Variants in TRAPPC6B observed in about 807,000 individuals in gnomAD.
TRAPPC6B encodes trafficking protein particle complex subunit 6B.
In TRAPPC6B, 27 loss-of-function variants were observed where a neutral mutation model predicts 24.7. The observed-to-expected ratio is 1.09, with a 90% CI of 0.81 to 1.51. The LOEUF (loss-of-function observed/expected upper bound fraction) is 1.51. Ranked by LOEUF, TRAPPC6B falls within the 40% of genes most tolerant of loss-of-function variation. The pLI is 0.00. For missense variants in TRAPPC6B, 212 were observed against 190.8 expected (o/e 1.11, Z -0.66); for synonymous variants, 80 against 66.6 (o/e 1.20, Z -0.98).
At chr14:39,163,373 GAAAAA>G (rs796850720) in intron 1 of TRAPPC6B, among the ~76,000 whole-genome samples, 1 of 97,720 alleles carries the variant, frequency 1.0e-5, no homozygotes, top group Non-Finnish European at 2.0e-5. Context: ...TTCATCACCA[GAAAAA>G]AAAAAAAAAA....
chr14:39,155,130 A>G lies in TRAPPC6B; in HGVS notation c.268-836T>C, dbSNP rs147547799. ...TTTTTTGTAGAAAGGGGGTCTCCCT[A>G]TGTTGCCTAGGCTGGTCTGGAACTC... On this transcript the variant is annotated intron_variant, in intron 3 of 5. Coordinates refer to ENST00000330149, the MANE Select transcript of TRAPPC6B (RefSeq NM_001079537.2). 9.1e-4 allele frequency among the ~76,000 whole-genome samples: 139 copies of G among 152,068 alleles called. 1 individual carries two copies. Among genetic ancestry groups the G allele is most frequent in the African/African-American group, 3.0e-3 (125 of 41,484 alleles).
At position 39,156,394 on chromosome 14, in the gene TRAPPC6B, T is replaced by A. The variant is rs374915328; in HGVS notation, c.267+1891A>T. Reference sequence around the variant, plus strand: ...CATTTAATTTTTTACTTAATCAAAATTCCAAATCTACTCTAAGTATTTCCT... The same window carrying A: ...CATTTAATTTTTTACTTAATCAAAAATCCAAATCTACTCTAAGTATTTCCT... On this transcript the variant is annotated intron_variant, in intron 3 of 5. Transcript: ENST00000330149. 5.1e-4 allele frequency among the ~76,000 whole-genome samples: 78 copies of A among 152,236 alleles called. No individual in the cohort carries two copies. In the South Asian group the frequency reaches 0.016, roughly 31 times the overall value.
intron 1 of TRAPPC6B, among the ~76,000 whole-genome samples, chr14:39,160,417 A>C (rs2053041683): frequency 6.6e-6 from 1 of 152,058 alleles, no homozygotes; most frequent in Admixed American, 6.6e-5. Context: ...ATCTGTACTA[A>C]AAGTAAAAAT....
intron 3 of TRAPPC6B, among the ~76,000 whole-genome samples, chr14:39,155,171 C>A (rs963704180): frequency 4.6e-5 from 7 of 152,144 alleles, no homozygotes; most frequent in Non-Finnish European, 1.0e-4. Context: ...CTCAAGTAAT[C>A]CTCCTGCCTC....
At chr14:39,159,891 C>T (rs1408342178) in intron 1 of TRAPPC6B, among the ~76,000 whole-genome samples, 2 of 152,134 alleles carry the variant, frequency 1.3e-5, no homozygotes, top group African/African-American at 2.4e-5. Flanking sequence ...GGGGCCATCT[C>T]GGCTCACTGC....
intron 1 of TRAPPC6B, among the ~76,000 whole-genome samples, chr14:39,163,030 T>C (rs1032860063): frequency 6.6e-6 from 1 of 150,772 alleles, no homozygotes; most frequent in Non-Finnish European, 1.5e-5. Flanking sequence ...CCATCTTCTT[T>C]AAAAGTGCAA....
intron 1 of TRAPPC6B, among the ~76,000 whole-genome samples, chr14:39,162,672 T>C (rs989674586): frequency 4.6e-5 from 7 of 152,228 alleles, no homozygotes; most frequent in African/African-American, 1.4e-4. Context: ...CTCAGAATCA[T>C]CCAGGCTTCC....
At chr14:39,150,866 A>G (rs1044178961) in intron 5 of TRAPPC6B, among the ~76,000 whole-genome samples, 11 of 152,048 alleles carry the variant, frequency 7.2e-5, no homozygotes, top group Non-Finnish European at 1.5e-4. Flanking sequence ...GGATGATTAT[A>G]TGGTTTGTTG....
In TRAPPC6B at chr14:39,149,412, G is replaced by A. The variant is rs948044018; in HGVS notation, c.*938C>T. 2 of 152,156 alleles carry A rather than the reference G, an allele frequency of 1.3e-5. No homozygotes were observed. Among genetic ancestry groups the A allele is most frequent in the Admixed American group, 6.6e-5 (1 of 15,264 alleles). 9.4% of individuals were successfully genotyped at this position (152,156 alleles called of 1,614,324 possible). A position where few individuals can be genotyped will look rare whatever the true frequency, so the allele number is the denominator to read the frequency against. On this transcript the variant is annotated 3_prime_UTR_variant, in exon 6 of 6. Transcript: ENST00000330149. ...ATCAACATGCAAGATTCTAACAAAA[G>A]CTGGAGATAACTGCTTATGCCAGAT...
At chr14:39,163,151 C>T (rs1438417079) in intron 1 of TRAPPC6B, among the ~76,000 whole-genome samples, 1 of 150,326 alleles carries the variant, frequency 6.7e-6, no homozygotes, top group Non-Finnish European at 1.5e-5. Context: ...GTGGGCGGAT[C>T]ACGAAGTCAG....
At chr14:39,155,366 C>T (rs963673384) in intron 3 of TRAPPC6B, among the ~76,000 whole-genome samples, 3 of 151,680 alleles carry the variant, frequency 2.0e-5, no homozygotes, top group Non-Finnish European at 4.4e-5. Flanking sequence ...CTCAGCCTCC[C>T]AAGTAGCTGG....
At position 39,150,353 on chromosome 14, in the gene TRAPPC6B, C is replaced by T. The variant is rs74683746; in HGVS notation, c.474G>A (p.Leu158=). 64 of 1,584,138 alleles carry T rather than the reference C, an allele frequency of 4.0e-5. No homozygotes were observed. The highest frequency in any genetic ancestry group is 5.2e-5 in the Non-Finnish European group (61 of 1,171,302). ...ACKFQVMIQK[L] ...AAGCCTTGCATTTCAGTATGTTCTA[C>T]AGCTTCTGTATCATCACCTGAAATT... Residue 158 remains leucine (L), a synonymous_variant, in exon 6 of 6, where the codon CTG becomes CTA. Coordinates refer to ENST00000330149, the MANE Select transcript of TRAPPC6B (RefSeq NM_001079537.2).
chr14:39,159,722 T>A (rs1417494968), intron 1 of TRAPPC6B, among the ~76,000 whole-genome samples, 172 bp from the exon 2 acceptor site: 1 of 151,134 alleles, frequency 6.6e-6, no homozygotes, highest in African/African-American at 2.4e-5. Flanking sequence ...TTTACTTTAC[T>A]TTTACTTACT....
chr14:39,153,101 G>A (rs373556523), intron 4 of TRAPPC6B, among the ~76,000 whole-genome samples: 2 of 151,856 alleles, frequency 1.3e-5, no homozygotes, highest in Non-Finnish European at 2.9e-5. Context: ...GACTAGCCTC[G>A]CCAACATGGT....
In TRAPPC6B at chr14:39,154,301, C is replaced by CA. The variant is rs1314343597; in HGVS notation, c.268-8dup. 1.3e-6 allele frequency: 2 copies of CA among 1,591,254 alleles called. No individual in the cohort carries two copies. The highest frequency in any genetic ancestry group is 1.7e-6 in the Non-Finnish European group (2 of 1,164,598). Reference sequence around the variant, plus strand: ...CCTGAAGTACATAGATGCCCTGTTCCAAAAATAGAAAAAAAATCCAAAGTC... The same window carrying CA: ...CCTGAAGTACATAGATGCCCTGTTCCAAAAAATAGAAAAAAAATCCAAAGTC... On this transcript the variant is annotated splice_polypyrimidine_tract_variant and splice_region_variant and intron_variant, in intron 3 of 5. Transcript: ENST00000330149.
At chr14:39,163,808 T>C (rs1235203995) in intron 1 of TRAPPC6B, among the ~76,000 whole-genome samples, 2 of 151,010 alleles carry the variant, frequency 1.3e-5, no homozygotes, top group African/African-American at 5.0e-5. Context: ...TTATTGGGCA[T>C]AGACATCTAG....
chr14:39,166,644 A>G (rs947849209), intron 1 of TRAPPC6B, among the ~76,000 whole-genome samples: 2 of 152,224 alleles, frequency 1.3e-5, no homozygotes, highest in Admixed American at 1.3e-4. Context: ...ATTCTGCTAA[A>G]ATGTAGGTAG....
chr14:39,169,839 A>T (rs1390994756), intron 1 of TRAPPC6B, among the ~76,000 whole-genome samples, 176 bp downstream of exon 1: 1 of 152,228 alleles, frequency 6.6e-6, no homozygotes, highest in Non-Finnish European at 1.5e-5. Flanking sequence ...ATGAAAGATG[A>T]CGGTTCAAAG....
At position 39,169,589 on chromosome 14, in the gene TRAPPC6B, A is replaced by C. The variant is rs560610890; in HGVS notation, c.81+426T>G. 3.9e-5 allele frequency among the ~76,000 whole-genome samples: 6 copies of C among 152,320 alleles called. No homozygotes were observed. In the South Asian group the frequency reaches 1.2e-3, roughly 32 times the overall value. On this transcript the variant is annotated intron_variant, in intron 1 of 5. Transcript: ENST00000330149. The stretch of plus-strand genomic sequence containing the variant: ...AGGCTTCAGGTCTCAAGTTGTGTGG[A>C]GTTGTACTGAGCATTAGGAATGAGG...
Sources: gnomAD v4.1 joint callset for allele counts (sites outside exome capture counted in the v4.1 genomes callset) on GRCh38, gnomAD v4.1.1 for gene constraint, MANE v1.5 for transcripts, NCBI Gene and HGNC (gene_info 2026-07-23, HGNC 2026-07-21) for gene names.